Variants in ARL15 observed in about 807,000 individuals in gnomAD.
The protein encoded by ARL15 is ADP-ribosylation factor-like protein 15.
A neutral mutation model predicts 25.2 loss-of-function variants in ARL15; 19 were observed. That is an observed-to-expected ratio of 0.75 (90% CI 0.53 to 1.10). ARL15 has a LOEUF of 1.10. Among genes scored for constraint, ARL15 ranks in the 50% least tolerant of loss-of-function variants. The probability of loss-of-function intolerance (pLI) is 0.00; values close to 1 mark genes in which losing one functional copy is unlikely to be tolerated. For synonymous variants in ARL15, 94 were observed against 86.8 expected (o/e 1.08, Z -0.46); for missense variants, 220 against 246.0 (o/e 0.89, Z 0.71).
rs145090353 is a variant in ARL15 at position 54,254,726 on chromosome 5, G to A, written c.48+55706C>T. Among the ~76,000 whole-genome samples the A allele has an allele frequency of 2.7e-3, 406 of 152,202 alleles. 1 individual carries two copies. The highest frequency in any genetic ancestry group is 8.8e-3 in the African/African-American group (364 of 41,432). On this transcript the variant is annotated intron_variant, in intron 1 of 4. Transcript: ENST00000504924. ...TGTTGTGTGTCCTTACACGAGTTAC[G>A]TGGCTGGCACAGCCTTGCTTTCCTC...
chr5:54,302,032 G>T (rs1350416634), intron 1 of ARL15, among the ~76,000 whole-genome samples: 3 of 152,210 alleles, frequency 2.0e-5, no homozygotes, highest in Non-Finnish European at 4.4e-5. Flanking sequence ...CACTGAAGGA[G>T]AGAGTGGGTA....
At chr5:54,294,943 A>C (rs1443298548) in intron 1 of ARL15, among the ~76,000 whole-genome samples, 3 of 152,238 alleles carry the variant, frequency 2.0e-5, no homozygotes, top group Non-Finnish European at 2.9e-5. Context: ...TGAATCATCA[A>C]TGAGCTTACT....
intron 1 of ARL15, among the ~76,000 whole-genome samples, chr5:54,251,619 G>A (rs751219678): frequency 6.6e-6 from 1 of 152,174 alleles, no homozygotes; most frequent in Non-Finnish European, 1.5e-5. Flanking sequence ...CACCTAAGGA[G>A]CTATTCCTAA....
chr5:53,893,595 G>A (rs1420917453), intron 4 of ARL15, among the ~76,000 whole-genome samples: 1 of 152,012 alleles, frequency 6.6e-6, no homozygotes, highest in South Asian at 2.1e-4. Flanking sequence ...GCGACAGAGC[G>A]AGACTCCATC....
At chr5:54,111,754 T>A (rs532445313) in intron 4 of ARL15, among the ~76,000 whole-genome samples, 1 of 152,216 alleles carries the variant, frequency 6.6e-6, no homozygotes, top group Non-Finnish European at 1.5e-5. Flanking sequence ...TATTACAAGA[T>A]TTTTTAGAAT....
intron 4 of ARL15, among the ~76,000 whole-genome samples, chr5:53,982,331 C>T (rs114255951): frequency 0.012 from 1,626 of 139,148 alleles, 13 homozygotes; most frequent in Non-Finnish European, 0.017. Context: ...GCTACACCTC[C>T]CCTACCCCCC....
At chr5:53,887,239 G>T (rs896380189) in intron 4 of ARL15, 12 of 599,054 alleles carry the variant, frequency 2.0e-5, no homozygotes, top group Non-Finnish European at 3.0e-5. Flanking sequence ...TCTAGTATCT[G>T]CTTCTGAGAC....
At chr5:54,018,312 T>G (rs1364831022) in intron 4 of ARL15, among the ~76,000 whole-genome samples, 1 of 152,228 alleles carries the variant, frequency 6.6e-6, no homozygotes, top group African/African-American at 2.4e-5. Flanking sequence ...AATTTGGTGT[T>G]TCCTGTAGTC....
intron 4 of ARL15, among the ~76,000 whole-genome samples, chr5:54,051,340 GAAGTT>G (rs1384232797): frequency 1.3e-5 from 2 of 152,192 alleles, no homozygotes; most frequent in Non-Finnish European, 2.9e-5. Context: ...GCTGGAGTTT[GAAGTT>G]AAGTCTGAAT....
intron 4 of ARL15, among the ~76,000 whole-genome samples, chr5:53,963,220 G>C (rs1327946795): frequency 6.6e-6 from 1 of 152,204 alleles, no homozygotes; most frequent in Non-Finnish European, 1.5e-5. Flanking sequence ...CAAAGAAGCA[G>C]ATCACAGTGC....
chr5:54,161,475 A>G (rs1317642721), intron 2 of ARL15, among the ~76,000 whole-genome samples: 1 of 152,244 alleles, frequency 6.6e-6, no homozygotes, highest in Non-Finnish European at 1.5e-5. Flanking sequence ...GACTCGTCTC[A>G]TAAAGAAACA....
chr5:54,090,073 C>T (rs749199058), intron 4 of ARL15, among the ~76,000 whole-genome samples: 4 of 152,174 alleles, frequency 2.6e-5, no homozygotes, highest in Admixed American at 2.0e-4. Context: ...TTCTTAGGTA[C>T]ATACCATTGA....
rs79612464 is a variant in ARL15, at chr5:54,044,112, T to G, written c.462+69090A>C. 8.0e-4 allele frequency among the ~76,000 whole-genome samples: 122 copies of G among 152,334 alleles called. 2 individuals are homozygous for G. In the East Asian group the frequency reaches 0.019, roughly 24 times the overall value. ...ACTCCATTTATTGATGTTTATGAAA[T>G]TTATTAAGCACATTAGATGTGCCTT... On this transcript the variant is annotated intron_variant, in intron 4 of 4. Transcript: ENST00000504924.
intron 1 of ARL15, among the ~76,000 whole-genome samples, chr5:54,184,439 TA>T (rs527755025): frequency 3.9e-4 from 27 of 69,112 alleles, no homozygotes; most frequent in African/African-American, 1.2e-3. Flanking sequence ...ACACTGTCTT[TA>T]AAAAAAAAAA....
chr5:53,956,472 A>G (rs1229233729), intron 4 of ARL15, among the ~76,000 whole-genome samples: 1 of 150,088 alleles, frequency 6.7e-6, no homozygotes, highest in African/African-American at 2.4e-5. Flanking sequence ...CATGCCTTAT[A>G]TATTTTTCAC....
chr5:54,193,404 C>G (rs1051802510), intron 1 of ARL15, among the ~76,000 whole-genome samples: 1 of 152,150 alleles, frequency 6.6e-6, no homozygotes, highest in Non-Finnish European at 1.5e-5. Context: ...ATGGCCTGTT[C>G]GGAACCAGGC....
intron 1 of ARL15, among the ~76,000 whole-genome samples, chr5:54,304,062 T>G (rs1430699778): frequency 6.6e-6 from 1 of 152,222 alleles, no homozygotes; most frequent in Admixed American, 6.5e-5. Context: ...TGGCCACTGC[T>G]TTCTTTAACA....
At chr5:53,931,937 AT>A (rs1746206141) in intron 4 of ARL15, among the ~76,000 whole-genome samples, 1 of 152,236 alleles carries the variant, frequency 6.6e-6, no homozygotes. Flanking sequence ...CACAGTAATT[AT>A]TTAATTCAAA....
chr5:53,918,168 T>C (rs867451626), intron 4 of ARL15, among the ~76,000 whole-genome samples: 17 of 152,204 alleles, frequency 1.1e-4, no homozygotes, highest in African/African-American at 2.9e-4. Flanking sequence ...AAAACCAATT[T>C]AGAAAAAGCA....
Sources: gnomAD v4.1 joint callset for allele counts (sites outside exome capture counted in the v4.1 genomes callset) on GRCh38, gnomAD v4.1.1 for gene constraint, MANE v1.5 for transcripts, NCBI Gene and HGNC (gene_info 2026-07-23, HGNC 2026-07-21) for gene names.